The following RAB40A variants were observed in gnomAD, a reference collection of about 807,000 sequenced individuals.
RAB40A encodes RAB40A, member RAS oncogene family, also known as ras-related protein Rab-40A.
For missense variants in RAB40A, 145 were observed against 230.2 expected, an observed-to-expected ratio of 0.63 and a Z score of 2.40; for synonymous variants, 65 against 99.9, an observed-to-expected ratio of 0.65 and a Z score of 2.08.
chrX:103,507,866 A>G (rs2073264637), intron 2 of RAB40A, among the ~76,000 whole-genome samples: 2 of 111,860 alleles, frequency 1.8e-5, no homozygotes, highest in Admixed American at 9.5e-5. Flanking sequence ...TCAAATTTAA[A>G]CTGCACCTCT....
chrX:103,493,963 C>T, the RAB40A span, among the ~76,000 whole-genome samples: 3 of 112,011 alleles, frequency 2.7e-5, no homozygotes, highest in South Asian at 3.8e-4. Flanking sequence ...AGTGGGATTG[C>T]GGGTCATATG....
At chrX:103,496,448 C>G (rs2073172525), downstream of RAB40A, among the ~76,000 whole-genome samples, 1 of 112,018 alleles carries the variant, frequency 8.9e-6, no homozygotes, top group Non-Finnish European at 1.9e-5. Context: ...TTCCCTCTAT[C>G]TACTATTATA....
chrX:103,496,322 C>T (rs1271627591), downstream of RAB40A, among the ~76,000 whole-genome samples: 6 of 112,164 alleles, frequency 5.3e-5, no homozygotes, highest in Admixed American at 9.4e-5. Context: ...GAATCATGTA[C>T]ACTTATCATA....
intron 2 of RAB40A, among the ~76,000 whole-genome samples, chrX:103,512,316 T>A (rs1312666623): frequency 9.0e-6 from 1 of 110,800 alleles, no homozygotes; most frequent in Non-Finnish European, 1.9e-5. Context: ...GCTGTTTTTT[T>A]TTTTTCTGTG....
At chrX:103,496,937 A>AG (rs1428216369), downstream of RAB40A, among the ~76,000 whole-genome samples, 1 of 111,952 alleles carries the variant, frequency 8.9e-6, no homozygotes, top group African/African-American at 3.3e-5. Context: ...AATGGGACAA[A>AG]GGGGTGGCTG....
At chrX:103,495,494 G>A (rs930606388), downstream of RAB40A, among the ~76,000 whole-genome samples, 10 of 110,891 alleles carry the variant, frequency 9.0e-5, no homozygotes, top group African/African-American at 3.3e-4. Context: ...CTTGAATGCA[G>A]TTAATCCCTG....
In RAB40A at chrX:103,515,379, C is replaced by T. The variant is rs143487548; in HGVS notation, c.-71+1995G>A. Among the ~76,000 whole-genome samples the T allele has an allele frequency of 2.4e-3, 274 of 112,260 alleles. 2 individuals are homozygous for T. Among genetic ancestry groups the T allele is most frequent in the African/African-American group, 8.7e-3 (270 of 30,962 alleles). On this transcript the variant is annotated intron_variant, in intron 2 of 2. Transcript: ENST00000304236. Reference sequence around the variant, plus strand: ...TATCTCATCCACAAAGAAATGTCACCAAAGGTTCTATAACATATGAGTATG... The same window carrying T: ...TATCTCATCCACAAAGAAATGTCACTAAAGGTTCTATAACATATGAGTATG...
At chrX:103,507,187 C>A (rs987194931) in intron 2 of RAB40A, among the ~76,000 whole-genome samples, 1 of 111,391 alleles carries the variant, frequency 9.0e-6, no homozygotes, top group East Asian at 2.8e-4. Flanking sequence ...CTTCCAGCTT[C>A]ATCCATGTCC....
intron 2 of RAB40A, among the ~76,000 whole-genome samples, chrX:103,513,520 T>C (rs1347551420): frequency 9.0e-6 from 1 of 111,326 alleles, no homozygotes; most frequent in East Asian, 2.8e-4. Flanking sequence ...TCACATGTAA[T>C]AACAAATCAT....
At chrX:103,512,700 T>C (rs189625741) in intron 2 of RAB40A, among the ~76,000 whole-genome samples, 9 of 111,980 alleles carry the variant, frequency 8.0e-5, no homozygotes, top group African/African-American at 2.9e-4. Flanking sequence ...CAATATATAT[T>C]TGTCATAAAA....
intron 2 of RAB40A, among the ~76,000 whole-genome samples, chrX:103,503,936 C>G (rs2073241597): frequency 8.9e-6 from 1 of 111,817 alleles, no homozygotes; most frequent in South Asian, 3.8e-4. Flanking sequence ...TGAATGCTTT[C>G]TCAAATTAAT....
intron 2 of RAB40A, chrX:103,501,788 T>C (rs2073229112): frequency 8.1e-6 from 1 of 123,197 alleles, no homozygotes; most frequent in Admixed American, 9.4e-5. Context: ...TCTGACAAAA[T>C]TTAAATGTAG....
At chrX:103,507,362 G>A (rs2073261096) in intron 2 of RAB40A, among the ~76,000 whole-genome samples, 1 of 111,073 alleles carries the variant, frequency 9.0e-6, no homozygotes, top group African/African-American at 3.3e-5. Context: ...CAGTATCTGA[G>A]ATGTAGTTTA....
chrX:103,509,531 C>T (rs1479331572), intron 2 of RAB40A, among the ~76,000 whole-genome samples: 1 of 73,565 alleles, frequency 1.4e-5, no homozygotes, highest in Non-Finnish European at 2.6e-5. Flanking sequence ...CCTCTCCTCC[C>T]CTCTCCCTCT....
intron 2 of RAB40A, chrX:103,503,254 G>T (rs1364212110): frequency 1.1e-5 from 8 of 751,907 alleles, no homozygotes; most frequent in Non-Finnish European, 1.3e-5. Context: ...GCTGTAGAAA[G>T]GTGACAGAGA....
At chrX:103,515,441 C>G (rs2147594482) in intron 2 of RAB40A, among the ~76,000 whole-genome samples, 1 of 112,005 alleles carries the variant, frequency 8.9e-6, no homozygotes, top group South Asian at 3.7e-4. Flanking sequence ...TTTAAATAAT[C>G]TCTGTGGGAT....
intron 2 of RAB40A, among the ~76,000 whole-genome samples, chrX:103,507,407 A>C (rs950345816): frequency 1.1e-5 from 1 of 87,265 alleles, no homozygotes; most frequent in African/African-American, 1.2e-4. Flanking sequence ...TACAGTCTTT[A>C]GTGGTTTTTT....
At chrX:103,503,572 TAA>T (rs113570594) in intron 2 of RAB40A, 1,948 of 506,047 alleles carry the variant, frequency 3.8e-3, no homozygotes, top group Non-Finnish European at 4.3e-3. Flanking sequence ...TGTCCTCCTT[TAA>T]AAAAAAAAAA....
At chrX:103,516,755 G>A (rs1282735608) in intron 2 of RAB40A, among the ~76,000 whole-genome samples, 1 of 111,479 alleles carries the variant, frequency 9.0e-6, no homozygotes, top group African/African-American at 3.3e-5. Flanking sequence ...ATATGCACAT[G>A]TACTGTACAT....
Sources: allele counts gnomAD v4.1 joint callset (sites outside exome capture counted in the v4.1 genomes callset), GRCh38; gene constraint gnomAD v4.1.1; transcripts MANE v1.5; gene names NCBI Gene and HGNC (gene_info 2026-07-23, HGNC 2026-07-21).